ADAMTS19: variants seen among roughly 807,000 people sequenced by gnomAD.
The protein encoded by ADAMTS19 is ADAM metallopeptidase with thrombospondin type 1 motif 19, also known as A disintegrin and metalloproteinase with thrombospondin motifs 19.
A neutral mutation model predicts 153.3 loss-of-function variants in ADAMTS19; 93 were observed. The observed-to-expected ratio is 0.61, with a 90% CI of 0.51 to 0.72. ADAMTS19 has a LOEUF of 0.72. Among genes scored for constraint, ADAMTS19 ranks in the 30% least tolerant of loss-of-function variants. The pLI, the probability that ADAMTS19 is intolerant of heterozygous loss-of-function variation, is 0.00. For synonymous variants in ADAMTS19, 600 were observed against 556.6 expected (o/e 1.08, Z -1.10); for missense variants, 1,482 against 1,552.1 (o/e 0.95, Z 0.76).
At chr5:129,701,218 A>C (rs957540379) in intron 19 of ADAMTS19, among the ~76,000 whole-genome samples, 170 bp from the exon 20 acceptor site, 2 of 150,314 alleles carry the variant, frequency 1.3e-5, no homozygotes, top group African/African-American at 4.9e-5. Context: ...GTCTTCCACC[A>C]TGATTGTGAG....
chr5:129,711,214 T>C (rs17163041), intron 21 of ADAMTS19, among the ~76,000 whole-genome samples: 6,255 of 152,260 alleles, frequency 0.041, 408 homozygotes, highest in African/African-American at 0.14. Context: ...CCTAATTAAA[T>C]ACTCTAGTAG....
chr5:129,576,548 A>G (rs571497936), intron 7 of ADAMTS19, among the ~76,000 whole-genome samples: 2 of 151,002 alleles, frequency 1.3e-5, no homozygotes, highest in Non-Finnish European at 3.0e-5. Flanking sequence ...AAAATTGTCA[A>G]TTTGTGTTAT....
intron 11 of ADAMTS19, among the ~76,000 whole-genome samples, chr5:129,642,728 T>A (rs1291757038): frequency 6.6e-6 from 1 of 152,152 alleles, no homozygotes; most frequent in Admixed American, 6.5e-5. Flanking sequence ...CATTTGAAAA[T>A]AAATAGCAAC....
chr5:129,669,082 A>G (rs903690351), intron 16 of ADAMTS19, among the ~76,000 whole-genome samples: 9 of 150,530 alleles, frequency 6.0e-5, no homozygotes, highest in African/African-American at 2.2e-4. Flanking sequence ...AGGAATATAT[A>G]TATGTGTATA....
At chr5:129,610,338 G>A (rs998014074) in intron 8 of ADAMTS19, among the ~76,000 whole-genome samples, 1 of 151,980 alleles carries the variant, frequency 6.6e-6, no homozygotes, top group Non-Finnish European at 1.5e-5. Flanking sequence ...TGTGCACAAT[G>A]TGCAGGTTTG....
At chr5:129,538,224 A>T (rs1162548409) in intron 6 of ADAMTS19, among the ~76,000 whole-genome samples, 2 of 152,208 alleles carry the variant, frequency 1.3e-5, no homozygotes, top group African/African-American at 2.4e-5. Flanking sequence ...TAAAGATAAA[A>T]ATTAGCTTAT....
chr5:129,647,797 C>T lies in ADAMTS19; in HGVS notation c.1905C>T (p.Thr635=). Residue 635 remains threonine (T), a synonymous_variant, in exon 12 of 23, where the codon ACC becomes ACT. Coordinates refer to ENST00000274487, the MANE Select transcript of ADAMTS19 (RefSeq NM_133638.6). ...WCKAGECTSR[T]SAPEHLAGEW... is the part of the protein sequence containing the mutation. Reference sequence around the variant, plus strand: ...AGGCTGGAGAATGTACCAGCAGGACCTCAGCACCTGAACATCTGGCCGGAG... The same window carrying T: ...AGGCTGGAGAATGTACCAGCAGGACTTCAGCACCTGAACATCTGGCCGGAG... 1.2e-6 allele frequency: 2 copies of T among 1,614,068 alleles called. No individual in the cohort carries two copies. Among genetic ancestry groups the T allele is most frequent in the Non-Finnish European group, 1.7e-6 (2 of 1,179,974 alleles).
At chr5:129,467,947 A>G (rs148096600) in intron 2 of ADAMTS19, among the ~76,000 whole-genome samples, 4 of 152,366 alleles carry the variant, frequency 2.6e-5, no homozygotes, top group African/African-American at 7.2e-5. Context: ...TTAAAAACCC[A>G]TACTATTTAC....
intron 17 of ADAMTS19, among the ~76,000 whole-genome samples, chr5:129,681,040 C>T (rs908303240): frequency 6.6e-6 from 1 of 152,304 alleles, no homozygotes; most frequent in Middle Eastern, 3.4e-3. Flanking sequence ...GATCAATTAA[C>T]TGTTTATTTG....
At chr5:129,483,093 A>G (rs1456315836) in intron 2 of ADAMTS19, among the ~76,000 whole-genome samples, 1 of 152,174 alleles carries the variant, frequency 6.6e-6, no homozygotes, top group Non-Finnish European at 1.5e-5. Context: ...TACACTACAA[A>G]TATCTTCTCT....
intron 17 of ADAMTS19, 101 bp from the exon 18 acceptor site, chr5:129,684,019 A>G: frequency 1.5e-6 from 2 of 1,295,280 alleles, no homozygotes; most frequent in Non-Finnish European, 2.1e-6. Context: ...AATGCACACA[A>G]CACAATGAGC....
chr5:129,721,262 A>C (rs1359991469), intron 21 of ADAMTS19, among the ~76,000 whole-genome samples: 1 of 152,224 alleles, frequency 6.6e-6, no homozygotes, highest in African/African-American at 2.4e-5. Context: ...ATTCAACTAT[A>C]TCATAAAAGG....
chr5:129,712,212 TC>T (rs1250476715), intron 21 of ADAMTS19, among the ~76,000 whole-genome samples: 1 of 152,072 alleles, frequency 6.6e-6, no homozygotes, highest in Non-Finnish European at 1.5e-5. Flanking sequence ...TGAACAGCTA[TC>T]CCCTAAAATA....
rs112497565 is a variant in ADAMTS19 at position 129,508,895 on chromosome 5, G to A, written c.748-182G>A. 4.0e-3 allele frequency among the ~76,000 whole-genome samples: 612 copies of A among 152,106 alleles called. 6 individuals are homozygous for A. The highest frequency in any genetic ancestry group is 0.014 in the African/African-American group (572 of 41,516). On this transcript the variant is annotated intron_variant, in intron 2 of 22. Coordinates refer to ENST00000274487, the MANE Select transcript of ADAMTS19 (RefSeq NM_133638.6). ...ATGAAGTTTATGTTAGTGCAATAAAGTACATAAAGATGAAGTAATAAAATG... is the reference window on the plus strand; with the variant it reads ...ATGAAGTTTATGTTAGTGCAATAAAATACATAAAGATGAAGTAATAAAATG...
chr5:129,608,438 T>C (rs951582939), intron 8 of ADAMTS19, among the ~76,000 whole-genome samples: 1 of 151,792 alleles, frequency 6.6e-6, no homozygotes, highest in Non-Finnish European at 1.5e-5. Context: ...ATGACTATAG[T>C]TAAAGAAGTT....
intron 7 of ADAMTS19, among the ~76,000 whole-genome samples, chr5:129,582,892 G>A (rs1288543268): frequency 2.0e-5 from 3 of 151,912 alleles, no homozygotes; most frequent in African/African-American, 4.8e-5. Flanking sequence ...TTTAATTTGG[G>A]CATTTAGCCC....
At chr5:129,547,273 T>C (rs1355980689) in intron 6 of ADAMTS19, among the ~76,000 whole-genome samples, 2 of 149,866 alleles carry the variant, frequency 1.3e-5, no homozygotes, top group Non-Finnish European at 2.9e-5. Context: ...GGGTAGCCTC[T>C]GGAAGCTAGT....
At chr5:129,552,722 G>C (rs941283978) in intron 7 of ADAMTS19, among the ~76,000 whole-genome samples, 1 of 151,040 alleles carries the variant, frequency 6.6e-6, no homozygotes, top group South Asian at 2.1e-4. Context: ...TAAATAAAAG[G>C]GTGTAGAAAC....
intron 1 of ADAMTS19, chr5:129,460,776 A>C (rs1749619868): frequency 3.6e-6 from 2 of 552,686 alleles, no homozygotes; most frequent in African/African-American, 1.9e-5. Flanking sequence ...GTTGATAGCA[A>C]CGCTCTGCTC....
Sources: allele counts gnomAD v4.1 joint callset (sites outside exome capture counted in the v4.1 genomes callset), GRCh38; gene constraint gnomAD v4.1.1; transcripts MANE v1.5; gene names NCBI Gene and HGNC (gene_info 2026-07-23, HGNC 2026-07-21).